LDB1: variants seen among roughly 807,000 people sequenced by gnomAD.
LDB1 encodes LIM domain-binding protein 1.
A neutral mutation model predicts 49.7 loss-of-function variants in LDB1; 6 were observed. That is an observed-to-expected ratio of 0.12 (90% CI 0.07 to 0.24). LDB1 has a LOEUF of 0.24. LDB1 is among the 10% of genes least tolerant of loss of function. The probability of loss-of-function intolerance (pLI) is 1.00; values close to 1 mark genes in which losing one functional copy is unlikely to be tolerated. For missense variants in LDB1, 341 were observed against 561.7 expected, an observed-to-expected ratio of 0.61 and a Z score of 3.97; for synonymous variants, 233 against 202.0, an observed-to-expected ratio of 1.15 and a Z score of -1.30.
At chr10:102,105,720 G>C (rs547943154), downstream of LDB1, among the ~76,000 whole-genome samples, 6 of 151,080 alleles carry the variant, frequency 4.0e-5, no homozygotes, top group Non-Finnish European at 5.9e-5. Flanking sequence ...CTAGTACTTT[G>C]AGAGGCCAAG....
rs1180991589 is a variant in LDB1 at position 102,108,153 on chromosome 10, G to A, written c.1176C>T (p.Ser392=). The A allele has an allele frequency of 6.2e-7, 1 of 1,614,144 alleles. No individual in the cohort carries two copies. Among genetic ancestry groups the A allele is most frequent in the African/African-American group, 1.3e-5 (1 of 75,036 alleles). ...PALGANSPWN[S]KPPSSQESKS... ...TGCTTTCTTGGCTGGACGGAGGCTT[G>A]CTGTTCCAGGGGCTGTTGGCGCCCA... Residue 392 remains serine (S), a synonymous_variant, in exon 11 of 11, where the codon AGC becomes AGT. Transcript: ENST00000673968.
chr10:102,105,892 A>G (rs2068154496), downstream of LDB1, among the ~76,000 whole-genome samples: 1 of 151,624 alleles, frequency 6.6e-6, no homozygotes, highest in Non-Finnish European at 1.5e-5. Context: ...CAGGAGAATC[A>G]CTTGAACCCA....
At chr10:102,110,357 C>G in intron 6 of LDB1, 172 bp downstream of exon 6, 2 of 695,952 alleles carry the variant, frequency 2.9e-6, no homozygotes, top group Non-Finnish European at 4.7e-6. Flanking sequence ...GAAAACTATC[C>G]CATACAAACA....
At chr10:102,105,740 T>C (rs2068152383), downstream of LDB1, among the ~76,000 whole-genome samples, 1 of 147,596 alleles carries the variant, frequency 6.8e-6, no homozygotes. Flanking sequence ...GGCGGGTGGA[T>C]CACCTGAGGT....
downstream of LDB1, among the ~76,000 whole-genome samples, chr10:102,103,191 CT>C (rs1214782263): frequency 6.6e-6 from 1 of 152,026 alleles, no homozygotes; most frequent in Admixed American, 6.6e-5. Context: ...TCATGCCCAG[CT>C]AATTTTTGTA....
At chr10:102,105,474 G>A (rs968929874), downstream of LDB1, among the ~76,000 whole-genome samples, 4 of 152,044 alleles carry the variant, frequency 2.6e-5, no homozygotes, top group East Asian at 3.9e-4. Flanking sequence ...CTTAGGAGGG[G>A]AACAGTTTGA....
chr10:102,114,762 CCTT>C lies in LDB1; in HGVS notation c.26-3229_26-3227del, dbSNP rs1339129940. 11 of 887,738 alleles carry C rather than the reference CCTT, an allele frequency of 1.2e-5. No individual in the cohort carries two copies. In the African/African-American group the frequency reaches 1.3e-4, roughly 10 times the overall value. The allele number at this position is 887,738 out of a possible 1,614,324, so 55.0% of individuals were successfully genotyped here. On this transcript the variant is annotated intron_variant, in intron 1 of 10. Coordinates refer to ENST00000673968, the MANE Select transcript of LDB1 (RefSeq NM_001113407.3). ...CCGCTCTTTCCTCTCTCCTCCTCCT[CCTT>C]CTCGGCTCTCCCCGCCGCCGCCTCT... is the stretch of plus-strand genomic sequence containing the variant.
At chr10:102,116,515 C>T (rs2068338138) in intron 1 of LDB1, among the ~76,000 whole-genome samples, 1 of 152,004 alleles carries the variant, frequency 6.6e-6, no homozygotes, top group African/African-American at 2.4e-5. Flanking sequence ...CCTAAATATA[C>T]CCAAATCCTG....
Position 102,109,879 on chromosome 10 carries a change from C to G in LDB1, c.648+42G>C. On this transcript the variant is annotated intron_variant, in intron 7 of 10. Coordinates refer to ENST00000673968, the MANE Select transcript of LDB1 (RefSeq NM_001113407.3). This position sits in a 1 kb window ranked among gnomAD's most constrained non-coding sequence, Gnocchi z 5.8. Reference sequence around the variant, plus strand: ...CAGACCTTGTTCCACCCTTCCCCCGCCTGCCTTCACTCTTGCATCCTGGGT... The same window carrying G: ...CAGACCTTGTTCCACCCTTCCCCCGGCTGCCTTCACTCTTGCATCCTGGGT... 1 of 1,594,850 alleles carries G rather than the reference C, an allele frequency of 6.3e-7. No homozygotes were observed. The highest frequency in any genetic ancestry group is 1.1e-5 in the South Asian group (1 of 90,288).
At position 102,109,812 on chromosome 10, in the gene LDB1, A is replaced by C; in HGVS notation, c.648+109T>G. 1.3e-6 allele frequency: 2 copies of C among 1,562,596 alleles called. No individual in the cohort carries two copies. The highest frequency in any genetic ancestry group is 1.1e-5 in the South Asian group (1 of 87,208). On this transcript the variant is annotated intron_variant, in intron 7 of 10. Coordinates refer to ENST00000673968, the MANE Select transcript of LDB1 (RefSeq NM_001113407.3). This position sits in a 1 kb window ranked among gnomAD's most constrained non-coding sequence, Gnocchi z 5.8. The stretch of plus-strand genomic sequence containing the variant: ...CTTATTAAACCTGCTGTTCAGATGA[A>C]GAAACCCTAACCCTCTGTCTAAGTA...
chr10:102,115,721 A>T (rs1273837216), intron 1 of LDB1, among the ~76,000 whole-genome samples: 1 of 151,140 alleles, frequency 6.6e-6, no homozygotes, highest in South Asian at 2.1e-4. Flanking sequence ...AATCCTCCCC[A>T]CCACCCCAGA....
upstream of LDB1, chr10:102,120,424 C>T (rs570015982): frequency 2.0e-5 from 20 of 981,204 alleles, no homozygotes; most frequent in African/African-American, 3.5e-5. Flanking sequence ...CTCCCGCCGC[C>T]GTCGCCGAGC....
downstream of LDB1, among the ~76,000 whole-genome samples, chr10:102,104,626 T>C (rs2068140265): frequency 6.6e-6 from 1 of 152,044 alleles, no homozygotes; most frequent in African/African-American, 2.4e-5. Flanking sequence ...GTTTCCTGAG[T>C]TCAATAGTGT....
rs561122486 is a variant in LDB1, at chr10:102,114,967, C to T, written c.26-3431G>A. Reference sequence around the variant, plus strand: ...CTCCCTTTCTCTCCCTGCCTCCCTCCCTCCCCGCTCGCTCTCTCCGAGCCT... The same window carrying T: ...CTCCCTTTCTCTCCCTGCCTCCCTCTCTCCCCGCTCGCTCTCTCCGAGCCT... On this transcript the variant is annotated intron_variant, in intron 1 of 10. Coordinates refer to ENST00000673968, the MANE Select transcript of LDB1 (RefSeq NM_001113407.3). 2.4e-5 allele frequency: 11 copies of T among 458,822 alleles called. No individual in the cohort carries two copies. In the South Asian group the frequency reaches 8.4e-4, roughly 35 times the overall value. 28.4% of individuals were successfully genotyped at this position (458,822 alleles called of 1,614,324 possible).
In LDB1 at chr10:102,108,027, C is replaced by T. The variant is rs990943519; in HGVS notation, c.*66G>A. 72 of 1,242,474 alleles carry T rather than the reference C, an allele frequency of 5.8e-5. No individual in the cohort carries two copies. Among genetic ancestry groups the T allele is most frequent in the Non-Finnish European group, 8.3e-5 (71 of 851,444 alleles). The allele number at this position is 1,242,474 out of a possible 1,614,324, so 77.0% of individuals were successfully genotyped here. A position where few individuals can be genotyped will look rare whatever the true frequency, so the allele number is the denominator to read the frequency against. On this transcript the variant is annotated 3_prime_UTR_variant, in exon 11 of 11. Coordinates refer to ENST00000673968, the MANE Select transcript of LDB1 (RefSeq NM_001113407.3). ...ATGCTCAGTCTCTTCATTCTGTCTTCTGCTCCCTGGGGCTGTGAGGGGTGG... is the reference window on the plus strand; with the variant it reads ...ATGCTCAGTCTCTTCATTCTGTCTTTTGCTCCCTGGGGCTGTGAGGGGTGG...
At chr10:102,114,333 C>T in intron 1 of LDB1, 1 of 986,114 alleles carries the variant, frequency 1.0e-6, no homozygotes, top group Non-Finnish European at 1.2e-6. Flanking sequence ...TCCCCCAGCC[C>T]GCAGATCAGG....
rs200379602 is a variant in LDB1, at chr10:102,109,200, A to G, written c.857-23T>C. 1.6e-3 allele frequency: 2,516 copies of G among 1,612,640 alleles called. 10 individuals are homozygous for G. Among genetic ancestry groups the G allele is most frequent in the Middle Eastern group, 2.0e-3 (10 of 4,978 alleles). On this transcript the variant is annotated intron_variant, in intron 9 of 10. Transcript: ENST00000673968. This position sits in a 1 kb window ranked among gnomAD's most constrained non-coding sequence, Gnocchi z 5.8. ...CCGCTGTGCCGGTAAACGGAGACTC[A>G]GATGGGAGAGGGCCCCAGGTCCCCT...
chr10:102,102,345 G>C (rs1227937764), downstream of LDB1, among the ~76,000 whole-genome samples: 1 of 152,238 alleles, frequency 6.6e-6, no homozygotes, highest in African/African-American at 2.4e-5. Context: ...AGGAAAGGGA[G>C]AGAAATTAGC....
In LDB1 at chr10:102,109,969, G is replaced by A. The variant is rs138293531; in HGVS notation, c.600C>T (p.Ser200=). 3.2e-5 allele frequency: 52 copies of A among 1,611,594 alleles called. No homozygotes were observed. The Middle Eastern group carries it at 6.6e-4, about 20-fold the overall frequency. The change falls in exon 7 of 11, where the codon AGC becomes AGT. Residue 200 remains serine (S), a synonymous_variant. Transcript: ENST00000673968. The surrounding 1 kb of genome is among the most constrained non-coding windows in gnomAD (Gnocchi z 5.8). ...GGATGAGCTCTCGGTGCTGCCGGATGCTGAAGTGCCACGTCTTTATCCGCA... is the reference window on the plus strand; with the variant it reads ...GGATGAGCTCTCGGTGCTGCCGGATACTGAAGTGCCACGTCTTTATCCGCA... ...DMMRIKTWHF[S]IRQHRELIPR... is the part of the protein sequence containing the mutation.
Sources: allele counts gnomAD v4.1 joint callset (sites outside exome capture counted in the v4.1 genomes callset), GRCh38; gene constraint gnomAD v4.1.1; non-coding constraint Gnocchi (gnomAD v3.1); transcripts MANE v1.5; gene names NCBI Gene and HGNC (gene_info 2026-07-23, HGNC 2026-07-21).